Variants in ASXL2 observed in about 807,000 individuals in gnomAD.
ASXL2 encodes the protein ASXL transcriptional regulator 2, also known as putative Polycomb group protein ASXL2.
In ASXL2, 23 loss-of-function variants were observed where a neutral mutation model predicts 122.0. The observed-to-expected ratio is 0.19, with a 90% CI of 0.14 to 0.27. The LOEUF (loss-of-function observed/expected upper bound fraction) is 0.27. Ranked by LOEUF, ASXL2 falls within the 10% of genes least tolerant of loss-of-function variation. The pLI, the probability that ASXL2 is intolerant of heterozygous loss-of-function variation, is 1.00. For missense variants in ASXL2, 1,518 were observed against 1,713.8 expected, an observed-to-expected ratio of 0.89 and a Z score of 2.02; for synonymous variants, 650 against 637.0, an observed-to-expected ratio of 1.02 and a Z score of -0.31.
chr2:25,846,925 A>T (rs1479981440), intron 1 of ASXL2, among the ~76,000 whole-genome samples: 1 of 152,252 alleles, frequency 6.6e-6, no homozygotes, highest in Admixed American at 6.5e-5. Flanking sequence ...ACCCAATGTG[A>T]CACAGATGTT....
At chr2:25,866,134 CTTTTTTT>C (rs779728638) in intron 1 of ASXL2, among the ~76,000 whole-genome samples, 33 of 141,314 alleles carry the variant, frequency 2.3e-4, no homozygotes, top group African/African-American at 5.2e-4. Flanking sequence ...TTTCTTTTTT[CTTTTTTT>C]TTTTTTTTGA....
At chr2:25,849,608 A>G (rs1172583486) in intron 1 of ASXL2, among the ~76,000 whole-genome samples, 10 of 151,990 alleles carry the variant, frequency 6.6e-5, no homozygotes, top group Non-Finnish European at 1.3e-4. Context: ...CTGAGTAGCT[A>G]GGACTATAGG....
rs2087722754 is a variant in ASXL2, at chr2:25,735,569, A to C, written c.*6460T>G. On this transcript the variant is annotated 3_prime_UTR_variant, in exon 13 of 13. Coordinates refer to ENST00000435504, the MANE Select transcript of ASXL2 (RefSeq NM_018263.6). ...TCTATAAGATGAAAATCATGTTTTA[A>C]GAAAAATTCCCTTTAGCTTCTTTTA... 1 of 152,222 alleles carries C rather than the reference A, an allele frequency of 6.6e-6. No individual in the cohort carries two copies. Among genetic ancestry groups the C allele is most frequent in the Non-Finnish European group, 1.5e-5 (1 of 68,028 alleles). The allele number at this position is 152,222 out of a possible 1,614,324, so 9.4% of individuals were successfully genotyped here.
At chr2:25,750,458 T>G (rs956044399) in intron 11 of ASXL2, 45 bp from the exon 12 acceptor site, 3 of 1,503,634 alleles carry the variant, frequency 2.0e-6, no homozygotes, top group Non-Finnish European at 1.8e-6. Context: ...AAATAGCCCA[T>G]GTTGCGAAAG....
At chr2:25,874,927 T>A (rs1417763965) in intron 1 of ASXL2, among the ~76,000 whole-genome samples, 1 of 150,428 alleles carries the variant, frequency 6.6e-6, no homozygotes, top group Non-Finnish European at 1.5e-5. Flanking sequence ...AAAAAAAAAT[T>A]TTTTAATTAG....
At chr2:25,845,345 A>C (rs2089636957) in intron 2 of ASXL2, 136 bp downstream of exon 2, 4 of 1,377,812 alleles carry the variant, frequency 2.9e-6, no homozygotes, top group Non-Finnish European at 4.0e-6. Context: ...AAAAAATGCC[A>C]AAGATCTGAC....
At position 25,743,591 on chromosome 2, in the gene ASXL2, G is replaced by C; in HGVS notation, c.2746C>G (p.Pro916Ala). 2 of 1,614,012 alleles carry C rather than the reference G, an allele frequency of 1.2e-6. No homozygotes were observed. The highest frequency in any genetic ancestry group is 1.7e-6 in the Non-Finnish European group (2 of 1,179,894). The change falls in exon 13 of 13, where the codon CCC becomes GCC. Residue 916 changes from proline to alanine, a missense_variant. This residue lies in a region of ASXL2 where 831 missense variants were observed against 833.1 expected (regional missense o/e 1.00). Coordinates refer to ENST00000435504, the MANE Select transcript of ASXL2 (RefSeq NM_018263.6). ...ATTAPAGSAPPSSTLPAASSL... is the reference protein window; with the variant it reads ...ATTAPAGSAPASSTLPAASSL... ...GAAGCTGCTGGCAAAGTGCTCGAGG[G>C]TGGAGCTGATCCAGCAGGTGCTGTA...
chr2:25,801,383 G>A (rs1002747484), intron 4 of ASXL2, among the ~76,000 whole-genome samples: 1 of 152,112 alleles, frequency 6.6e-6, no homozygotes, highest in African/African-American at 2.4e-5. Flanking sequence ...ACATCCGTAT[G>A]ACATTATAGC....
intron 3 of ASXL2, among the ~76,000 whole-genome samples, chr2:25,821,991 G>A (rs751934819): frequency 2.0e-5 from 3 of 152,172 alleles, no homozygotes; most frequent in African/African-American, 4.8e-5. Flanking sequence ...TGAGTTGCAA[G>A]TAATTCAGGT....
At chr2:25,789,104 G>A (rs1383367384) in intron 5 of ASXL2, among the ~76,000 whole-genome samples, 1 of 151,898 alleles carries the variant, frequency 6.6e-6, no homozygotes, top group African/African-American at 2.4e-5. Context: ...TATGATTTTG[G>A]TTAGGATTCC....
intron 2 of ASXL2, among the ~76,000 whole-genome samples, chr2:25,840,731 T>C (rs2089569885): frequency 6.6e-6 from 1 of 152,254 alleles, no homozygotes; most frequent in African/African-American, 2.4e-5. Context: ...AATATTCCAT[T>C]GTATGCATAT....
At chr2:25,830,363 G>A (rs572714156) in intron 3 of ASXL2, among the ~76,000 whole-genome samples, 8 of 152,302 alleles carry the variant, frequency 5.3e-5, no homozygotes, top group Non-Finnish European at 1.0e-4. Flanking sequence ...CGAATGCAGC[G>A]GCTCACGCCT....
At chr2:25,826,700 T>C (rs2089381774) in intron 3 of ASXL2, among the ~76,000 whole-genome samples, 1 of 147,414 alleles carries the variant, frequency 6.8e-6, no homozygotes, top group Admixed American at 6.9e-5. Context: ...ACACAATCTA[T>C]ATTTATCCTT....
At chr2:25,790,508 T>C (rs1559512107) in intron 5 of ASXL2, among the ~76,000 whole-genome samples, 1 of 152,144 alleles carries the variant, frequency 6.6e-6, no homozygotes. Flanking sequence ...CACAAAGTGG[T>C]ACTTATAGAA....
rs10579555 is a variant in ASXL2, at chr2:25,744,935, C to CCACACACACACACACACACA, written c.1861-479_1861-460dup. On this transcript the variant is annotated intron_variant, in intron 12 of 12. Coordinates refer to ENST00000435504, the MANE Select transcript of ASXL2 (RefSeq NM_018263.6). This position sits in a 1 kb window ranked among gnomAD's most constrained non-coding sequence, Gnocchi z 4.7. ...GGGAAAATACTTGCTCTTCTCTGTT[C>CCACACACACACACACACACA]CACACACACACACACACACACACAC... Among the ~76,000 whole-genome samples, 2 of 138,252 alleles carry CCACACACACACACACACACA rather than the reference C, an allele frequency of 1.4e-5. No homozygotes were observed. Among genetic ancestry groups the CCACACACACACACACACACA allele is most frequent in the African/African-American group, 5.4e-5 (2 of 36,702 alleles). The allele number at this position is 138,252 out of a possible 152,430, so 90.7% of individuals were successfully genotyped here.
chr2:25,747,271 T>C (rs2087957948), intron 12 of ASXL2, among the ~76,000 whole-genome samples: 1 of 152,036 alleles, frequency 6.6e-6, no homozygotes, highest in Non-Finnish European at 1.5e-5. Context: ...TATACATTTG[T>C]ATATATATAA....
chr2:25,863,328 C>CAAAAAAAAAAAAAAAAAAAAAAAAAAA (rs2089861429), intron 1 of ASXL2, among the ~76,000 whole-genome samples: 1 of 142,042 alleles, frequency 7.0e-6, no homozygotes, highest in African/African-American at 2.6e-5. Flanking sequence ...GACTCCATCT[C>CAAAAAAAAAAAAAAAAAAAAAAAAAAA]CAAAAAAAAA....
intron 2 of ASXL2, among the ~76,000 whole-genome samples, chr2:25,843,001 T>A (rs914845522): frequency 1.4e-5 from 2 of 147,444 alleles, no homozygotes; most frequent in Non-Finnish European, 3.0e-5. Flanking sequence ...TTTTTTTTTT[T>A]AATAGAGACG....
chr2:25,799,666 G>T, intron 4 of ASXL2, 131 bp from the exon 5 acceptor site: 1 of 1,089,568 alleles, frequency 9.2e-7, no homozygotes, highest in Non-Finnish European at 1.3e-6. Flanking sequence ...AGCAGAACCA[G>T]CAATATTTTC....
Sources: gnomAD v4.1 joint callset for allele counts (sites outside exome capture counted in the v4.1 genomes callset) on GRCh38, gnomAD v4.1.1 for gene constraint, gnomAD v4.1.1 regional missense constraint, Gnocchi (gnomAD v3.1) non-coding constraint, MANE v1.5 for transcripts, NCBI Gene and HGNC (gene_info 2026-07-23, HGNC 2026-07-21) for gene names.